Variants in CFAP20DC observed in about 807,000 individuals in gnomAD.
CFAP20DC encodes CFAP20 domain containing, also known as protein CFAP20DC.
A neutral mutation model predicts 101.7 loss-of-function variants in CFAP20DC; 84 were observed. That is an observed-to-expected ratio of 0.83 (90% CI 0.69 to 0.99). The LOEUF is 0.99. Ranked by LOEUF, CFAP20DC falls within the 50% of genes least tolerant of loss-of-function variation. The pLI is 0.00. For missense variants in CFAP20DC, 1,007 were observed against 970.3 expected (o/e 1.04, Z -0.50); for synonymous variants, 359 against 351.2 (o/e 1.02, Z -0.25).
rs1252585563 is a variant in CFAP20DC at position 58,882,038 on chromosome 3, T to C, written c.715+2507A>G. Among the ~76,000 whole-genome samples, 3 of 152,158 alleles carry C rather than the reference T, an allele frequency of 2.0e-5. No homozygotes were observed. Among genetic ancestry groups the C allele is most frequent in the African/African-American group, 7.2e-5 (3 of 41,454 alleles). ...CAATTTATGTTTGTGTAATCTTAGC[T>C]GGCATACATGTGCAATGAGATTTAT... On this transcript the variant is annotated intron_variant, in intron 7 of 16. Coordinates refer to ENST00000482387, the MANE Select transcript of CFAP20DC (RefSeq NM_001394063.1). The surrounding 1 kb of genome is among the most constrained non-coding windows in gnomAD (Gnocchi z 4.2).
intron 15 of CFAP20DC, among the ~76,000 whole-genome samples, chr3:58,758,626 G>C (rs575590087): frequency 6.6e-5 from 10 of 152,170 alleles, no homozygotes; most frequent in Non-Finnish European, 1.2e-4. Flanking sequence ...CCATGTTGGT[G>C]TGCTGCACCC....
At chr3:58,809,130 C>G (rs2074379856) in intron 14 of CFAP20DC, among the ~76,000 whole-genome samples, 1 of 151,920 alleles carries the variant, frequency 6.6e-6, no homozygotes, top group Admixed American at 6.6e-5. Context: ...ACTTTAGCAC[C>G]CCACTGTCAA....
At chr3:58,867,379 G>T (rs541049440) in intron 10 of CFAP20DC, among the ~76,000 whole-genome samples, 3 of 152,160 alleles carry the variant, frequency 2.0e-5, no homozygotes, top group African/African-American at 7.2e-5. Flanking sequence ...TTAACCTAGA[G>T]TATAACATAT....
At chr3:58,805,666 C>T (rs1251909193) in intron 15 of CFAP20DC, among the ~76,000 whole-genome samples, 1 of 152,070 alleles carries the variant, frequency 6.6e-6, no homozygotes, top group African/African-American at 2.4e-5. Context: ...TCAATAATTT[C>T]CTAATATATG....
intron 15 of CFAP20DC, among the ~76,000 whole-genome samples, chr3:58,763,688 G>T (rs2069923696): frequency 6.6e-6 from 1 of 152,162 alleles, no homozygotes. Context: ...TTTGGTCTTT[G>T]ATGATGGTGA....
rs1236235758 is a variant in CFAP20DC at position 58,722,049 on chromosome 3, C to T, written c.198-4421G>A. ...TGAGCTTTGTTTTCTTTTTACCTAG[C>T]TCACTTGGAACATTTGCTTTCTGGA... is the stretch of plus-strand genomic sequence containing the variant. On this transcript the variant is annotated intron_variant, in intron 3 of 3. Coordinates refer to the CFAP20DC transcript ENST00000486145. The surrounding 1 kb of genome is among the most constrained non-coding windows in gnomAD (Gnocchi z 4.5). 6.6e-6 allele frequency among the ~76,000 whole-genome samples: 1 copy of T among 152,192 alleles called. No homozygotes were observed. The highest frequency in any genetic ancestry group is 2.4e-5 in the African/African-American group (1 of 41,446).
At chr3:58,858,100 T>C (rs2078982005) in intron 12 of CFAP20DC, among the ~76,000 whole-genome samples, 1 of 152,198 alleles carries the variant, frequency 6.6e-6, no homozygotes, top group South Asian at 2.1e-4. Flanking sequence ...TTTGTCAGAG[T>C]AGCAAAGAAG....
intron 15 of CFAP20DC, among the ~76,000 whole-genome samples, chr3:58,762,403 C>T (rs2069719626): frequency 6.6e-6 from 1 of 152,116 alleles, no homozygotes; most frequent in East Asian, 1.9e-4. Flanking sequence ...GATCTCCCTC[C>T]ATCCTTTTAT....
intron 4 of CFAP20DC, among the ~76,000 whole-genome samples, chr3:58,972,093 T>C (rs2091983781): frequency 6.6e-6 from 1 of 152,074 alleles, no homozygotes. Context: ...GCGAAAACAA[T>C]ATTTGGTTTT....
At chr3:58,812,527 G>T (rs1390880611) in intron 14 of CFAP20DC, among the ~76,000 whole-genome samples, 3 of 151,596 alleles carry the variant, frequency 2.0e-5, no homozygotes, top group Non-Finnish European at 4.4e-5. Flanking sequence ...GACACAGGAA[G>T]GGGAACATCA....
chr3:58,900,528 G>T (rs2083057099), intron 6 of CFAP20DC, among the ~76,000 whole-genome samples: 2 of 152,218 alleles, frequency 1.3e-5, no homozygotes, highest in Non-Finnish European at 2.9e-5. Flanking sequence ...CTATCTTCTG[G>T]AAGGGACTGT....
rs1378010903 is a variant in CFAP20DC, at chr3:59,049,762, C to T, written c.-131G>A. On this transcript the variant is annotated 5_prime_UTR_variant, in exon 1 of 17. Coordinates refer to ENST00000482387, the MANE Select transcript of CFAP20DC (RefSeq NM_001394063.1). Reference sequence around the variant, plus strand: ...GGGTGGGAAAGGGCTTCGTGCTTGGCCCAGACTTGGGCAGGCTCTTCTCAG... The same window carrying T: ...GGGTGGGAAAGGGCTTCGTGCTTGGTCCAGACTTGGGCAGGCTCTTCTCAG... The T allele has an allele frequency of 1.8e-6, 2 of 1,138,800 alleles. No individual in the cohort carries two copies. Among genetic ancestry groups the T allele is most frequent in the East Asian group, 2.6e-5 (1 of 38,826 alleles). The allele number at this position is 1,138,800 out of a possible 1,614,324, so 70.5% of individuals were successfully genotyped here.
intron 4 of CFAP20DC, among the ~76,000 whole-genome samples, chr3:58,998,629 T>C (rs952046730): frequency 1.3e-5 from 2 of 152,158 alleles, no homozygotes; most frequent in Admixed American, 6.5e-5. Flanking sequence ...GAGGAGGATA[T>C]AGCCCCACCC....
chr3:58,967,094 C>A (rs567868652), intron 4 of CFAP20DC, among the ~76,000 whole-genome samples: 1 of 152,024 alleles, frequency 6.6e-6, no homozygotes, highest in Non-Finnish European at 1.5e-5. Context: ...TCCCATTTCC[C>A]GATTTAAAAC....
chr3:58,963,091 T>A (rs964764843), intron 4 of CFAP20DC, among the ~76,000 whole-genome samples: 1 of 151,876 alleles, frequency 6.6e-6, no homozygotes. Context: ...CTGATTTTCA[T>A]TGACTGTACT....
intron 13 of CFAP20DC, among the ~76,000 whole-genome samples, chr3:58,843,424 T>A (rs1179357229): frequency 6.6e-6 from 1 of 151,454 alleles, no homozygotes; most frequent in Non-Finnish European, 1.5e-5. Flanking sequence ...CAATGGAAGA[T>A]GAAATGAATG....
At chr3:59,013,173 A>G (rs144832521) in intron 4 of CFAP20DC, among the ~76,000 whole-genome samples, 16 of 152,272 alleles carry the variant, frequency 1.1e-4, no homozygotes, top group African/African-American at 3.1e-4. Context: ...GCTAGGTTAC[A>G]TGACCACGGC....
At chr3:58,844,868 C>A (rs1375157048) in intron 13 of CFAP20DC, among the ~76,000 whole-genome samples, 12 of 139,938 alleles carry the variant, frequency 8.6e-5, no homozygotes, top group East Asian at 2.1e-4. Context: ...TCACTCAAAA[C>A]CGCTCAACTA....
In CFAP20DC at chr3:58,971,166, C is replaced by G. The variant is rs755711211; in HGVS notation, c.279-33404G>C. Among the ~76,000 whole-genome samples, 5 of 152,272 alleles carry G rather than the reference C, an allele frequency of 3.3e-5. No homozygotes were observed. The highest frequency in any genetic ancestry group is 7.4e-5 in the Non-Finnish European group (5 of 68,012). ...TAATTGACTATTCTGTTGAGCCTAA[C>G]AGTACCATCACAAACGATCACTTTC... is the stretch of plus-strand genomic sequence containing the variant. On this transcript the variant is annotated intron_variant, in intron 4 of 16. Transcript: ENST00000482387. The surrounding 1 kb of genome is among the most constrained non-coding windows in gnomAD (Gnocchi z 4.1).
Sources: gnomAD v4.1 joint callset for allele counts (sites outside exome capture counted in the v4.1 genomes callset) on GRCh38, gnomAD v4.1.1 for gene constraint, Gnocchi (gnomAD v3.1) non-coding constraint, MANE v1.5 for transcripts, NCBI Gene and HGNC (gene_info 2026-07-23, HGNC 2026-07-21) for gene names.